Variants in SPI1 observed in about 807,000 individuals in gnomAD.
SPI1 encodes the protein Spi-1 proto-oncogene, also known as transcription factor PU.1.
SPI1 carries 3 observed loss-of-function variants against 30.7 expected under a neutral mutation model. The observed-to-expected ratio is 0.10, with a 90% CI of 0.04 to 0.25. The LOEUF (loss-of-function observed/expected upper bound fraction) is 0.25, where lower values mean the gene tolerates loss of function less well. SPI1 is among the 10% of genes least tolerant of loss of function. The probability of loss-of-function intolerance (pLI) is 1.00; values close to 1 mark genes in which losing one functional copy is unlikely to be tolerated. For synonymous variants in SPI1, 169 were observed against 157.1 expected, an observed-to-expected ratio of 1.08 and a Z score of -0.56; for missense variants, 261 against 371.5, an observed-to-expected ratio of 0.70 and a Z score of 2.45.
chr11:47,369,329 T>TC (rs1262014360), intron 2 of SPI1, among the ~76,000 whole-genome samples: 2 of 151,926 alleles, frequency 1.3e-5, no homozygotes, highest in South Asian at 2.1e-4. Flanking sequence ...CTTGAATCTG[T>TC]CCCCCCCTTT....
chr11:47,356,582 C>G (rs757783047), intron 4 of SPI1, among the ~76,000 whole-genome samples: 32 of 151,798 alleles, frequency 2.1e-4, no homozygotes, highest in Non-Finnish European at 4.0e-4. Flanking sequence ...TCATACACCT[C>G]ACACCAGGTC....
chr11:47,359,810 G>T lies in SPI1; in HGVS notation c.330+43C>A, dbSNP rs1472818255. ...GTGAAGCTCCCGGGCCCCACCACAG[G>T]CCTGGCAGTCTCCTGGGGGACGGGG... On this transcript the variant is annotated intron_variant, in intron 3 of 4. Transcript: ENST00000378538. The surrounding 1 kb of genome is among the most constrained non-coding windows in gnomAD (Gnocchi z 5.1). The T allele has an allele frequency of 6.3e-7, 1 of 1,591,476 alleles. No homozygotes were observed. Among genetic ancestry groups the T allele is most frequent in the East Asian group, 2.2e-5 (1 of 44,744 alleles).
intron 2 of SPI1, among the ~76,000 whole-genome samples, chr11:47,372,657 C>A (rs1414208815): frequency 6.6e-6 from 1 of 152,040 alleles, no homozygotes; most frequent in African/African-American, 2.4e-5. Context: ...TGGAAAATAA[C>A]CCAGTTGGTC....
chr11:47,369,413 T>C (rs760547456), intron 2 of SPI1, among the ~76,000 whole-genome samples: 4 of 152,154 alleles, frequency 2.6e-5, no homozygotes, highest in African/African-American at 7.2e-5. Context: ...GTTTCCTCAA[T>C]GTTCTTTTTT....
intron 2 of SPI1, among the ~76,000 whole-genome samples, chr11:47,369,548 A>G (rs1232633149): frequency 1.2e-5 from 1 of 84,398 alleles, no homozygotes; most frequent in African/African-American, 4.4e-5. Flanking sequence ...AAGAAAACAA[A>G]AGAGAGAGAG....
At chr11:47,378,156 G>A (rs1048001689) in intron 1 of SPI1, among the ~76,000 whole-genome samples, 153 bp downstream of exon 1, 15 of 152,238 alleles carry the variant, frequency 9.9e-5, no homozygotes, top group Admixed American at 7.9e-4. Flanking sequence ...TGGCCCCCTC[G>A]CTGGGTCTCA....
In SPI1 at chr11:47,375,939, G is replaced by A. The variant is rs954038649; in HGVS notation, c.46-210C>T. Among the ~76,000 whole-genome samples the A allele has an allele frequency of 6.6e-6, 1 of 152,008 alleles. No individual in the cohort carries two copies. Among genetic ancestry groups the A allele is most frequent in the Admixed American group, 6.5e-5 (1 of 15,272 alleles). Reference sequence around the variant, plus strand: ...GGTGACAGGGACCTTGGGGGTGAGAGGTCAGAAGAGGACCAGGGTCCCCCT... The same window carrying A: ...GGTGACAGGGACCTTGGGGGTGAGAAGTCAGAAGAGGACCAGGGTCCCCCT... On this transcript the variant is annotated intron_variant, in intron 1 of 4. Transcript: ENST00000378538. This position sits in a 1 kb window ranked among gnomAD's most constrained non-coding sequence, Gnocchi z 4.2.
rs188541926 is a variant in SPI1, at chr11:47,372,502, C to T, written c.142+3131G>A. On this transcript the variant is annotated intron_variant, in intron 2 of 4. Coordinates refer to ENST00000378538, the MANE Select transcript of SPI1 (RefSeq NM_003120.3). ...CCAGAGCCTACAAGAGTGTCTGATA[C>T]TCAGAAACTATTTAATGGATGGAAT... Among the ~76,000 whole-genome samples the T allele has an allele frequency of 5.9e-5, 9 of 152,184 alleles. No homozygotes were observed. The East Asian group carries it at 1.5e-3, about 26-fold the overall frequency.
In SPI1 at chr11:47,359,058, A is replaced by G. The variant is rs1647492824; in HGVS notation, c.331-52T>C. The G allele has an allele frequency of 1.3e-6, 2 of 1,485,124 alleles. No individual in the cohort carries two copies. The highest frequency in any genetic ancestry group is 1.4e-5 in the South Asian group (1 of 71,846). The allele number at this position is 1,485,124 out of a possible 1,614,324, so 92.0% of individuals were successfully genotyped here. Reference sequence around the variant, plus strand: ...GTCAGGAAGGGCCAGCTTACAGCTCAGGGGGGCTGGGAGGGAGGTCAGCTG... The same window carrying G: ...GTCAGGAAGGGCCAGCTTACAGCTCGGGGGGGCTGGGAGGGAGGTCAGCTG... On this transcript the variant is annotated intron_variant, in intron 3 of 4. Transcript: ENST00000378538. This position sits in a 1 kb window ranked among gnomAD's most constrained non-coding sequence, Gnocchi z 5.1.
intron 4 of SPI1, chr11:47,358,384 G>A: frequency 1.6e-6 from 1 of 610,204 alleles, no homozygotes; most frequent in Non-Finnish European, 3.0e-6. Flanking sequence ...GACACCCACT[G>A]ACATCATACG....
rs555627906 is a variant in SPI1, at chr11:47,364,632, C to T, written c.143-4592G>A. 1.2e-3 allele frequency among the ~76,000 whole-genome samples: 190 copies of T among 152,278 alleles called. 3 individuals carry two copies. Among genetic ancestry groups the T allele is most frequent in the Non-Finnish European group, 2.1e-3 (141 of 68,034 alleles). ...GCTGGAGGGACCCTGAGTGCATGCA[C>T]CCCTTAGGTGTGGGGTAAGAGGCAC... On this transcript the variant is annotated intron_variant, in intron 2 of 4. Transcript: ENST00000378538.
chr11:47,359,762 G>A lies in SPI1; in HGVS notation c.330+91C>T, dbSNP rs1219770216. The A allele has an allele frequency of 1.4e-6, 2 of 1,445,394 alleles. No homozygotes were observed. Among genetic ancestry groups the A allele is most frequent in the Non-Finnish European group, 1.9e-6 (2 of 1,056,250 alleles). 89.5% of individuals were successfully genotyped at this position (1,445,394 alleles called of 1,614,324 possible). ...ACTGTGGGGCAGGAAGCTGAGTTGG[G>A]TAAGAGCCTGTGTCAGCTTCCTGTG... On this transcript the variant is annotated intron_variant, in intron 3 of 4. Transcript: ENST00000378538. This position sits in a 1 kb window ranked among gnomAD's most constrained non-coding sequence, Gnocchi z 5.1.
chr11:47,377,946 C>A (rs1406041121), intron 1 of SPI1, among the ~76,000 whole-genome samples: 1 of 152,224 alleles, frequency 6.6e-6, no homozygotes, highest in Admixed American at 6.5e-5. Flanking sequence ...GGACCGGCCT[C>A]CCCCAAGCCA....
chr11:47,355,662 G>C (rs1221959055), intron 4 of SPI1, 116 bp from the exon 5 acceptor site: 3 of 859,316 alleles, frequency 3.5e-6, no homozygotes, highest in African/African-American at 1.7e-5. Flanking sequence ...GCAGGGGAAC[G>C]GCTGCCCCAG....
chr11:47,360,549 C>T (rs1013239377), intron 2 of SPI1, among the ~76,000 whole-genome samples: 2 of 152,156 alleles, frequency 1.3e-5, no homozygotes, highest in Non-Finnish European at 2.9e-5. Context: ...CAGCCAGGGC[C>T]GCGCGCGGTG....
At chr11:47,358,297 TCA>T (rs2095915109) in intron 4 of SPI1, 1 of 497,142 alleles carries the variant, frequency 2.0e-6, no homozygotes, top group Non-Finnish European at 3.7e-6. Context: ...CACATATCAC[TCA>T]CACATGCCTG....
At chr11:47,367,589 T>A (rs2095930156) in intron 2 of SPI1, among the ~76,000 whole-genome samples, 11 of 134,646 alleles carry the variant, frequency 8.2e-5, no homozygotes, top group South Asian at 2.4e-4. Flanking sequence ...AAATAGCAAA[T>A]CCCAGCACAC....
At chr11:47,357,333 A>C (rs542530624) in intron 4 of SPI1, among the ~76,000 whole-genome samples, 191 of 124,234 alleles carry the variant, frequency 1.5e-3, no homozygotes, top group Middle Eastern at 7.6e-3. Flanking sequence ...CCTCATTGAC[A>C]CCTGCTCACT....
At chr11:47,361,325 A>C (rs1222361293) in intron 2 of SPI1, among the ~76,000 whole-genome samples, 1 of 152,014 alleles carries the variant, frequency 6.6e-6, no homozygotes, top group African/African-American at 2.4e-5. Context: ...TTCCTCTTCA[A>C]AGCCATGACC....
Sources: allele counts gnomAD v4.1 joint callset (sites outside exome capture counted in the v4.1 genomes callset), GRCh38; gene constraint gnomAD v4.1.1; non-coding constraint Gnocchi (gnomAD v3.1); transcripts MANE v1.5; gene names NCBI Gene and HGNC (gene_info 2026-07-23, HGNC 2026-07-21).